The following PHACTR1 variants were observed in gnomAD, a reference collection of about 807,000 sequenced individuals.
PHACTR1 encodes phosphatase and actin regulator 1.
A neutral mutation model predicts 69.2 loss-of-function variants in PHACTR1; 16 were observed. The ratio of observed to expected loss-of-function variants is 0.23; its 90% CI spans 0.16 to 0.35. The LOEUF is 0.35. Among genes scored for constraint, PHACTR1 ranks in the 10% least tolerant of loss-of-function variants. PHACTR1 has a pLI of 1.00. For missense variants in PHACTR1, 510 were observed against 734.7 expected, an observed-to-expected ratio of 0.69 and a Z score of 3.54; for synonymous variants, 312 against 284.5, an observed-to-expected ratio of 1.10 and a Z score of -0.97.
At chr6:12,904,811 A>G (rs1461617272) in intron 4 of PHACTR1, among the ~76,000 whole-genome samples, 3 of 152,106 alleles carry the variant, frequency 2.0e-5, no homozygotes, top group African/African-American at 4.8e-5. Flanking sequence ...GTGGATCTCA[A>G]TCTCATCGCT....
chr6:12,972,290 G>A (rs937008114), intron 4 of PHACTR1, among the ~76,000 whole-genome samples: 4 of 152,182 alleles, frequency 2.6e-5, no homozygotes, highest in African/African-American at 9.6e-5. Flanking sequence ...CCACTCTGCC[G>A]CCTTGAAATT....
At position 13,053,408 on chromosome 6, in the gene PHACTR1, C is replaced by T. The variant is rs373688362; in HGVS notation, c.294C>T (p.Leu98=). The T allele has an allele frequency of 1.2e-4, 187 of 1,613,122 alleles. No individual in the cohort carries two copies. Among genetic ancestry groups the T allele is most frequent in the Admixed American group, 2.5e-4 (15 of 59,890 alleles). The change falls in exon 5 of 15, where the codon CTC becomes CTT. Residue 98 remains leucine (L), a synonymous_variant. Transcript: ENST00000332995. ...ERLAAMRSDS[L]VPGTHTPPIR... ...TGGCGGCGATGCGTTCTGACTCCCT[C>T]GTCCCAGGCACCCACACCCCACCCA... is the stretch of plus-strand genomic sequence containing the variant.
chr6:13,169,565 C>A (rs917952518), intron 6 of PHACTR1, among the ~76,000 whole-genome samples: 3 of 151,832 alleles, frequency 2.0e-5, no homozygotes, highest in Non-Finnish European at 4.4e-5. Context: ...AAGAAGTGGT[C>A]AAAAAATAGG....
chr6:13,184,456 G>A lies in PHACTR1; in HGVS notation c.664+1770G>A, dbSNP rs146521610. 1.8e-3 allele frequency among the ~76,000 whole-genome samples: 269 copies of A among 152,342 alleles called. 1 individual carries two copies. The highest frequency in any genetic ancestry group is 6.0e-3 in the African/African-American group (248 of 41,578). The stretch of plus-strand genomic sequence containing the variant: ...ACTGGCCACCCTGGTGATTCCTGCT[G>A]TGCCCCATGAGTCCCATCTTAGAGC... On this transcript the variant is annotated intron_variant, in intron 7 of 14. Transcript: ENST00000332995.
intron 4 of PHACTR1, among the ~76,000 whole-genome samples, chr6:13,031,140 A>G (rs1802402273): frequency 6.6e-6 from 1 of 152,244 alleles, no homozygotes; most frequent in Admixed American, 6.5e-5. Flanking sequence ...ATGTCCCAAC[A>G]TATCCAAGCA....
At chr6:13,232,430 T>G (rs1201025788) in intron 10 of PHACTR1, among the ~76,000 whole-genome samples, 2 of 152,222 alleles carry the variant, frequency 1.3e-5, no homozygotes, top group African/African-American at 4.8e-5. Context: ...TTTAGAGTCA[T>G]AGAATGAAAA....
At chr6:12,942,722 G>A (rs2127542508) in intron 4 of PHACTR1, among the ~76,000 whole-genome samples, 1 of 152,320 alleles carries the variant, frequency 6.6e-6, no homozygotes, top group South Asian at 2.1e-4. Flanking sequence ...AATTCATACA[G>A]TCCAACTCCA....
chr6:13,148,105 A>G (rs904912456), intron 5 of PHACTR1, among the ~76,000 whole-genome samples: 3 of 142,018 alleles, frequency 2.1e-5, no homozygotes, highest in African/African-American at 7.5e-5. Context: ...AAATGGAACC[A>G]TAGTATATGT....
At chr6:12,869,334 C>T (rs1781790016) in intron 4 of PHACTR1, among the ~76,000 whole-genome samples, 1 of 152,216 alleles carries the variant, frequency 6.6e-6, no homozygotes, top group Admixed American at 6.5e-5. Flanking sequence ...GTCTCACACT[C>T]CATGCACCTC....
intron 6 of PHACTR1, among the ~76,000 whole-genome samples, chr6:13,172,788 A>G (rs1288589254): frequency 6.6e-6 from 1 of 152,258 alleles, no homozygotes; most frequent in Non-Finnish European, 1.5e-5. Flanking sequence ...AACAGGTACC[A>G]TTTCATTCCT....
At chr6:13,066,500 ATGAC>A (rs761896699) in intron 5 of PHACTR1, among the ~76,000 whole-genome samples, 12 of 152,196 alleles carry the variant, frequency 7.9e-5, no homozygotes, top group Non-Finnish European at 1.5e-4. Flanking sequence ...GTTAGGCTAA[ATGAC>A]TGCGTGTGTT....
At chr6:13,137,145 G>A (rs1008216860) in intron 5 of PHACTR1, among the ~76,000 whole-genome samples, 9 of 152,160 alleles carry the variant, frequency 5.9e-5, no homozygotes, top group African/African-American at 2.2e-4. Flanking sequence ...TGTTATGGGG[G>A]AAAAGCTATG....
At chr6:12,827,192 T>C (rs1776900542) in intron 4 of PHACTR1, among the ~76,000 whole-genome samples, 1 of 152,192 alleles carries the variant, frequency 6.6e-6, no homozygotes, top group Admixed American at 6.5e-5. Flanking sequence ...CTTAATTACT[T>C]TAGAGATAAG....
chr6:12,806,691 A>C (rs1774373800), intron 4 of PHACTR1, among the ~76,000 whole-genome samples: 1 of 152,188 alleles, frequency 6.6e-6, no homozygotes, highest in Non-Finnish European at 1.5e-5. Flanking sequence ...AATACTAGAA[A>C]ATTATCTTTT....
In PHACTR1 at chr6:12,941,233, G is replaced by A. The variant is rs114975282; in HGVS notation, c.251-112132G>A. Among the ~76,000 whole-genome samples the A allele has an allele frequency of 2.9e-3, 443 of 152,218 alleles. 3 individuals carry two copies. Among genetic ancestry groups the A allele is most frequent in the African/African-American group, 0.01 (429 of 41,540 alleles). The stretch of plus-strand genomic sequence containing the variant: ...AAGGCTAAACCAGACCAGCAGTAAA[G>A]TCCTCTTTAAGAAGTATCCTCAGAG... On this transcript the variant is annotated intron_variant, in intron 4 of 14. Transcript: ENST00000332995.
chr6:13,067,164 G>A (rs958645902), intron 5 of PHACTR1, among the ~76,000 whole-genome samples: 18 of 152,160 alleles, frequency 1.2e-4, no homozygotes, highest in African/African-American at 1.9e-4. Flanking sequence ...TTACTATGTC[G>A]TATGAAATAT....
At chr6:12,808,261 G>T (rs544189235) in intron 4 of PHACTR1, among the ~76,000 whole-genome samples, 1 of 152,062 alleles carries the variant, frequency 6.6e-6, no homozygotes, top group Non-Finnish European at 1.5e-5. Flanking sequence ...CAGTCTTTGG[G>T]CACTATTTTT....
At chr6:12,912,347 G>A (rs908863515) in intron 4 of PHACTR1, among the ~76,000 whole-genome samples, 2 of 152,148 alleles carry the variant, frequency 1.3e-5, no homozygotes, top group African/African-American at 4.8e-5. Context: ...GCCCCCAGGG[G>A]ACCCTATTTG....
chr6:12,861,396 A>G (rs1453883401), intron 4 of PHACTR1, among the ~76,000 whole-genome samples: 2 of 152,252 alleles, frequency 1.3e-5, no homozygotes, highest in Admixed American at 6.5e-5. Context: ...TGCTAACTCC[A>G]TAGTCTTCCT....
Sources: gnomAD v4.1 joint callset for allele counts (sites outside exome capture counted in the v4.1 genomes callset) on GRCh38, gnomAD v4.1.1 for gene constraint, MANE v1.5 for transcripts, NCBI Gene and HGNC (gene_info 2026-07-23, HGNC 2026-07-21) for gene names.